The following ARHGAP15 variants were observed in gnomAD, a reference collection of about 807,000 sequenced individuals.
ARHGAP15 encodes rho GTPase-activating protein 15.
In ARHGAP15, 51 loss-of-function variants were observed where a neutral mutation model predicts 63.7. The ratio of observed to expected loss-of-function variants is 0.80; its 90% CI spans 0.64 to 1.01. The LOEUF (loss-of-function observed/expected upper bound fraction) is 1.01, where lower values mean the gene tolerates loss of function less well. ARHGAP15 is among the 50% of genes least tolerant of loss of function. The pLI, the probability that ARHGAP15 is intolerant of heterozygous loss-of-function variation, is 0.00. For missense variants in ARHGAP15, 560 were observed against 564.6 expected, an observed-to-expected ratio of 0.99 and a Z score of 0.08; for synonymous variants, 191 against 193.8, an observed-to-expected ratio of 0.99 and a Z score of 0.12.
intron 6 of ARHGAP15, among the ~76,000 whole-genome samples, chr2:143,308,646 C>T (rs971714483): frequency 1.3e-5 from 2 of 151,970 alleles, no homozygotes; most frequent in African/African-American, 2.4e-5. Context: ...GGTAACCTGT[C>T]ATGAAATGCT....
intron 11 of ARHGAP15, among the ~76,000 whole-genome samples, chr2:143,577,394 A>C (rs1311665218): frequency 6.6e-6 from 1 of 152,170 alleles, no homozygotes; most frequent in African/African-American, 2.4e-5. Context: ...AAAACATACA[A>C]GTGAATCAGT....
At chr2:143,533,339 A>G (rs763343142) in intron 10 of ARHGAP15, 1 of 152,168 alleles carries the variant, frequency 6.6e-6, no homozygotes, top group African/African-American at 2.4e-5. Context: ...TCACGGGGCA[A>G]AATACGGGAA....
At chr2:143,662,211 G>T (rs1681848939) in intron 12 of ARHGAP15, among the ~76,000 whole-genome samples, 1 of 152,092 alleles carries the variant, frequency 6.6e-6, no homozygotes, top group Non-Finnish European at 1.5e-5. Flanking sequence ...GCATGCAGCT[G>T]GAGATCTGAG....
chr2:143,514,552 G>A (rs191640612), intron 9 of ARHGAP15, among the ~76,000 whole-genome samples: 1 of 152,230 alleles, frequency 6.6e-6, no homozygotes, highest in Non-Finnish European at 1.5e-5. Context: ...CATTCTCACA[G>A]CATAGCTTAG....
At chr2:143,444,277 C>G (rs1034252758) in intron 8 of ARHGAP15, among the ~76,000 whole-genome samples, 6 of 152,154 alleles carry the variant, frequency 3.9e-5, no homozygotes, top group Admixed American at 3.3e-4. Context: ...CATTAATACA[C>G]TACTGTGATT....
At chr2:143,616,545 G>A (rs1294493193) in intron 11 of ARHGAP15, among the ~76,000 whole-genome samples, 2 of 152,154 alleles carry the variant, frequency 1.3e-5, no homozygotes, top group Non-Finnish European at 2.9e-5. Context: ...GCGTGCCAAA[G>A]TAGCCCATTA....
chr2:143,266,860 C>T (rs550243608), intron 6 of ARHGAP15, among the ~76,000 whole-genome samples: 2 of 152,226 alleles, frequency 1.3e-5, no homozygotes, highest in African/African-American at 4.8e-5. Context: ...TATCATAGTT[C>T]CATGTATGGC....
chr2:143,628,687 G>A (rs757302745), intron 12 of ARHGAP15, among the ~76,000 whole-genome samples: 7 of 152,102 alleles, frequency 4.6e-5, no homozygotes, highest in African/African-American at 1.7e-4. Flanking sequence ...GCTTCCTGAT[G>A]TGTCTACTTT....
At chr2:143,399,146 C>T (rs1226889469) in intron 6 of ARHGAP15, among the ~76,000 whole-genome samples, 3 of 152,002 alleles carry the variant, frequency 2.0e-5, no homozygotes, top group Non-Finnish European at 4.4e-5. Context: ...TGCCAACTGG[C>T]CACCTGACAC....
At chr2:143,501,320 T>C (rs1693043512) in intron 9 of ARHGAP15, among the ~76,000 whole-genome samples, 1 of 152,236 alleles carries the variant, frequency 6.6e-6, no homozygotes, top group Non-Finnish European at 1.5e-5. Flanking sequence ...GCCTTTACAA[T>C]GTTACAATGA....
In ARHGAP15 at chr2:143,753,018, A is replaced by G. The variant is rs559455245; in HGVS notation, c.1245-14971A>G. On this transcript the variant is annotated intron_variant, in intron 13 of 13. Coordinates refer to ENST00000295095, the MANE Select transcript of ARHGAP15 (RefSeq NM_018460.4). ...TAATTAGCCGGGCATGGTGGCACAC[A>G]CCTGTAGTCCTAGCTACTCAGCAGG... Among the ~76,000 whole-genome samples the G allele has an allele frequency of 2.0e-5, 3 of 152,284 alleles. No homozygotes were observed. The East Asian group carries it at 5.8e-4, about 29-fold the overall frequency.
chr2:143,674,890 G>A (rs1284004211), intron 12 of ARHGAP15, among the ~76,000 whole-genome samples: 2 of 152,234 alleles, frequency 1.3e-5, no homozygotes, highest in East Asian at 3.9e-4. Flanking sequence ...GGGGGTTGCT[G>A]AAGGTTGGGG....
intron 2 of ARHGAP15, among the ~76,000 whole-genome samples, chr2:143,165,146 G>A (rs1690449944): frequency 6.6e-6 from 1 of 151,986 alleles, no homozygotes; most frequent in Admixed American, 6.6e-5. Context: ...GATTTAAAAT[G>A]TATTTGAAAG....
chr2:143,264,325 G>A (rs1193029754), intron 6 of ARHGAP15, among the ~76,000 whole-genome samples: 1 of 152,044 alleles, frequency 6.6e-6, no homozygotes, highest in African/African-American at 2.4e-5. Context: ...TTTCAAATGG[G>A]AAGGATATTT....
rs558756202 is a variant in ARHGAP15 at position 143,593,945 on chromosome 2, T to C, written c.1004-30188T>C. Among the ~76,000 whole-genome samples the C allele has an allele frequency of 9.2e-5, 14 of 152,298 alleles. No individual in the cohort carries two copies. The East Asian group carries it at 2.7e-3, about 29-fold the overall frequency. On this transcript the variant is annotated intron_variant, in intron 11 of 13. Coordinates refer to ENST00000295095, the MANE Select transcript of ARHGAP15 (RefSeq NM_018460.4). The stretch of plus-strand genomic sequence containing the variant: ...ATGAAAATTATTGGTATTCTAAGTA[T>C]TCATCCCCTTATACTATTAATTGGA...
chr2:143,599,732 C>A (rs1053399709), intron 11 of ARHGAP15, among the ~76,000 whole-genome samples: 1 of 152,108 alleles, frequency 6.6e-6, no homozygotes, highest in Non-Finnish European at 1.5e-5. Context: ...TCTTATATTT[C>A]TAGTCTAATC....
intron 6 of ARHGAP15, among the ~76,000 whole-genome samples, chr2:143,332,973 GAAAA>G (rs34554225): frequency 1.8e-5 from 2 of 108,414 alleles, no homozygotes; most frequent in Admixed American, 8.8e-5. Flanking sequence ...CATTTAAAAT[GAAAA>G]AAAAAAAAAA....
rs183972838 is a variant in ARHGAP15 at position 143,152,668 on chromosome 2, C to A, written c.-14-2809C>A. Reference sequence around the variant, plus strand: ...TTTGTGTCATTTTTCTCTATCTTCCCAGAGCAATATAGTGGTCTGCAAAAT... The same window carrying A: ...TTTGTGTCATTTTTCTCTATCTTCCAAGAGCAATATAGTGGTCTGCAAAAT... On this transcript the variant is annotated intron_variant, in intron 1 of 13. Transcript: ENST00000295095. Among the ~76,000 whole-genome samples the A allele has an allele frequency of 1.4e-4, 21 of 151,996 alleles. No homozygotes were observed. In the East Asian group the frequency reaches 4.1e-3, roughly 30 times the overall value.
intron 3 of ARHGAP15, among the ~76,000 whole-genome samples, chr2:143,207,199 C>T (rs571946451): frequency 1.3e-5 from 2 of 151,772 alleles, no homozygotes; most frequent in Non-Finnish European, 2.9e-5. Context: ...GATTTACTTG[C>T]ATATAGTAGG....
Sources: gnomAD v4.1 joint callset for allele counts (sites outside exome capture counted in the v4.1 genomes callset) on GRCh38, gnomAD v4.1.1 for gene constraint, MANE v1.5 for transcripts, NCBI Gene and HGNC (gene_info 2026-07-23, HGNC 2026-07-21) for gene names.